The following EPS8 variants were observed in gnomAD, a reference collection of about 807,000 sequenced individuals.
EPS8 encodes EGFR pathway substrate 8, signaling adaptor.
Under a neutral mutation model 103.8 loss-of-function variants are expected in EPS8, and 42 were observed. The ratio of observed to expected loss-of-function variants is 0.40; its 90% CI spans 0.32 to 0.52. EPS8 has a LOEUF of 0.52. Ranked by LOEUF, EPS8 falls within the 20% of genes least tolerant of loss-of-function variation. The probability of loss-of-function intolerance (pLI) is 0.40; values close to 1 mark genes in which losing one functional copy is unlikely to be tolerated. For missense variants in EPS8, 969 were observed against 1,005.1 expected (o/e 0.96, Z 0.49); for synonymous variants, 344 against 344.6 (o/e 1.00, Z 0.02).
At chr12:15,755,411 C>A (rs765517004) in intron 1 of EPS8, among the ~76,000 whole-genome samples, 1 of 152,100 alleles carries the variant, frequency 6.6e-6, no homozygotes, top group Admixed American at 6.5e-5. Flanking sequence ...CCCTTTCCCA[C>A]CAAGATGAGC....
rs893879606 is a variant in EPS8 at position 15,764,166 on chromosome 12, T to C, written c.-22+24995A>G. Among the ~76,000 whole-genome samples, 2 of 152,142 alleles carry C rather than the reference T, an allele frequency of 1.3e-5. No homozygotes were observed. Among genetic ancestry groups the C allele is most frequent in the East Asian group, 1.9e-4 (1 of 5,194 alleles). ...ACATGGTAGCAGGCAAGAGAGCATA[T>C]GCAGGGGAACTCCCCTTTATAAAAC... On this transcript the variant is annotated intron_variant, in intron 1 of 20. Coordinates refer to ENST00000281172, the MANE Select transcript of EPS8 (RefSeq NM_004447.6). The surrounding 1 kb of genome is among the most constrained non-coding windows in gnomAD (Gnocchi z 4.1).
chr12:15,722,968 C>G (rs1376022640), intron 1 of EPS8, among the ~76,000 whole-genome samples: 1 of 150,674 alleles, frequency 6.6e-6, no homozygotes, highest in African/African-American at 2.4e-5. Context: ...TTTCTGCTAT[C>G]TCACACTCTC....
Position 15,749,141 on chromosome 12 carries a change from G to GA in EPS8, c.-22+40019dup, listed in dbSNP as rs1196086971. Among the ~76,000 whole-genome samples, 7 of 151,960 alleles carry GA rather than the reference G, an allele frequency of 4.6e-5. No individual in the cohort carries two copies. Among genetic ancestry groups the GA allele is most frequent in the African/African-American group, 1.7e-4 (7 of 41,348 alleles). On this transcript the variant is annotated intron_variant, in intron 1 of 20. Transcript: ENST00000281172. This position sits in a 1 kb window ranked among gnomAD's most constrained non-coding sequence, Gnocchi z 4.0. ...TTGTCATAAAATGTATTGATTACCT[G>GA]ACTATTTAAGATTATGCCTTAGGCT...
chr12:15,626,627 CAAA>C (rs771173535), intron 18 of EPS8, among the ~76,000 whole-genome samples: 5,759 of 61,190 alleles, frequency 0.094, 416 homozygotes, highest in African/African-American at 0.23. Flanking sequence ...GACTCCGTCT[CAAA>C]AAAAAAAAAA....
At chr12:15,665,706 T>C (rs757591603) in intron 8 of EPS8, 50 bp downstream of exon 8, 3 of 1,602,168 alleles carry the variant, frequency 1.9e-6, no homozygotes, top group African/African-American at 2.7e-5. Flanking sequence ...AAGAACTATG[T>C]CCCAACCCAA....
At chr12:15,650,701 A>G (rs1414856483) in intron 14 of EPS8, 122 bp downstream of exon 14, 2 of 822,660 alleles carry the variant, frequency 2.4e-6, no homozygotes, top group East Asian at 5.2e-5. Context: ...ACAGGGTAAC[A>G]TTCAGACTTT....
rs1044938567 is a variant in EPS8, at chr12:15,749,138, C to T, written c.-22+40023G>A. ...AATTTGTCATAAAATGTATTGATTACCTGACTATTTAAGATTATGCCTTAG... is the reference window on the plus strand; with the variant it reads ...AATTTGTCATAAAATGTATTGATTATCTGACTATTTAAGATTATGCCTTAG... On this transcript the variant is annotated intron_variant, in intron 1 of 20. Coordinates refer to ENST00000281172, the MANE Select transcript of EPS8 (RefSeq NM_004447.6). This position sits in a 1 kb window ranked among gnomAD's most constrained non-coding sequence, Gnocchi z 4.0. 6.6e-5 allele frequency among the ~76,000 whole-genome samples: 10 copies of T among 151,896 alleles called. No individual in the cohort carries two copies. The highest frequency in any genetic ancestry group is 2.4e-4 in the African/African-American group (10 of 41,334).
intron 1 of EPS8, among the ~76,000 whole-genome samples, chr12:15,766,320 A>C (rs1947095727): frequency 1.3e-5 from 2 of 150,564 alleles, no homozygotes; most frequent in Non-Finnish European, 2.9e-5. Context: ...TCTACTAAAA[A>C]ATACAAAAAA....
At chr12:15,641,940 C>A (rs776061659) in intron 15 of EPS8, 110 bp from the exon 16 acceptor site, 84 of 460,614 alleles carry the variant, frequency 1.8e-4, no homozygotes, top group Non-Finnish European at 2.8e-4. Flanking sequence ...TGAAAAATTA[C>A]AGCAGTTTCA....
rs1327386942 is a variant in EPS8, at chr12:15,777,278, AAC to A, written c.-22+11881_-22+11882del. Among the ~76,000 whole-genome samples, 191 of 151,676 alleles carry A rather than the reference AAC, an allele frequency of 1.3e-3. No homozygotes were observed. Among genetic ancestry groups the A allele is most frequent in the African/African-American group, 4.4e-3 (183 of 41,400 alleles). On this transcript the variant is annotated intron_variant, in intron 1 of 20. Transcript: ENST00000281172. The surrounding 1 kb of genome is among the most constrained non-coding windows in gnomAD (Gnocchi z 4.7). ...GTACTTACAAAGCAGAATGAAAAAAAACACACACACACACACAAAACAAAACA... is the reference window on the plus strand; with the variant it reads ...GTACTTACAAAGCAGAATGAAAAAAAACACACACACACACAAAACAAAACA...
In EPS8 at chr12:15,776,276, G is replaced by A. The variant is rs1947205851; in HGVS notation, c.-22+12885C>T. Reference sequence around the variant, plus strand: ...AAGCTTTTAAATGTAATTTTGGGGGGAAATAATACACTTCTGGCTGAACTA... The same window carrying A: ...AAGCTTTTAAATGTAATTTTGGGGGAAAATAATACACTTCTGGCTGAACTA... On this transcript the variant is annotated intron_variant, in intron 1 of 20. Transcript: ENST00000281172. The surrounding 1 kb of genome is among the most constrained non-coding windows in gnomAD (Gnocchi z 4.2). Among the ~76,000 whole-genome samples, 1 of 152,142 alleles carries A rather than the reference G, an allele frequency of 6.6e-6. No individual in the cohort carries two copies. The highest frequency in any genetic ancestry group is 2.4e-5 in the African/African-American group (1 of 41,422).
In EPS8 at chr12:15,760,054, A is replaced by T. The variant is rs1468187634; in HGVS notation, c.-22+29107T>A. 6.6e-6 allele frequency among the ~76,000 whole-genome samples: 1 copy of T among 151,960 alleles called. No individual in the cohort carries two copies. The highest frequency in any genetic ancestry group is 1.5e-5 in the Non-Finnish European group (1 of 67,912). On this transcript the variant is annotated intron_variant, in intron 1 of 20. Coordinates refer to ENST00000281172, the MANE Select transcript of EPS8 (RefSeq NM_004447.6). This position sits in a 1 kb window ranked among gnomAD's most constrained non-coding sequence, Gnocchi z 4.5. ...GTTTTCTAAATAAACAAAATTGATG[A>T]ACCTTTAGCCATACTAAGAAAGAAA...
chr12:15,770,239 T>C (rs1947139327), intron 1 of EPS8, among the ~76,000 whole-genome samples: 1 of 130,700 alleles, frequency 7.7e-6, no homozygotes, highest in South Asian at 2.3e-4. Context: ...CAGTGAGCTA[T>C]GATCACACCA....
chr12:15,680,632 A>G (rs568071661), intron 3 of EPS8, among the ~76,000 whole-genome samples: 2 of 151,028 alleles, frequency 1.3e-5, no homozygotes, highest in South Asian at 2.1e-4. Flanking sequence ...CAGACCCTAT[A>G]CAAATAAATG....
In EPS8 at chr12:15,662,053, C is replaced by CTGAG; in HGVS notation, c.782_783insCTCA (p.Met261IlefsTer8). The CTGAG allele has an allele frequency of 2.0e-5, 33 of 1,613,970 alleles. No homozygotes were observed. Among genetic ancestry groups the CTGAG allele is most frequent in the Non-Finnish European group, 2.8e-5 (33 of 1,179,818 alleles). Reference sequence around the variant, plus strand: ...CATCTCTGTCAATGCGGGCTGCCATCATCTCAGGTGTTTCTTCCTGCTCAT... The same window carrying CTGAG: ...CATCTCTGTCAATGCGGGCTGCCATCTGAGATCTCAGGTGTTTCTTCCTGCTCAT... On this transcript the variant is annotated frameshift_variant, in exon 9 of 21. Coordinates refer to ENST00000281172, the MANE Select transcript of EPS8 (RefSeq NM_004447.6). LOFTEE classifies it high-confidence loss of function.
chr12:15,738,767 C>G lies in EPS8; in HGVS notation c.-22+50394G>C, dbSNP rs1946791120. ...GGTTTTTTTTTTGTAATACCAGCAG[C>G]TACAAAGTCCTGGCAATAGCAGGTG... On this transcript the variant is annotated intron_variant, in intron 1 of 20. Transcript: ENST00000281172. The surrounding 1 kb of genome is among the most constrained non-coding windows in gnomAD (Gnocchi z 6.2). Among the ~76,000 whole-genome samples, 1 of 151,992 alleles carries G rather than the reference C, an allele frequency of 6.6e-6. No individual in the cohort carries two copies. The highest frequency in any genetic ancestry group is 1.5e-5 in the Non-Finnish European group (1 of 67,992).
Position 15,696,976 on chromosome 12 carries a change from G to C in EPS8, c.-21-14004C>G, listed in dbSNP as rs1946251848. On this transcript the variant is annotated intron_variant, in intron 1 of 20. Transcript: ENST00000281172. The surrounding 1 kb of genome is among the most constrained non-coding windows in gnomAD (Gnocchi z 4.8). ...GGGAATTTCAGATAGATTTGTTTGG[G>C]TAAGTAAGCTATTTTAGGTCAGAAA... 6.6e-6 allele frequency among the ~76,000 whole-genome samples: 1 copy of C among 152,150 alleles called. No individual in the cohort carries two copies. Among genetic ancestry groups the C allele is most frequent in the Admixed American group, 6.6e-5 (1 of 15,266 alleles).
At chr12:15,750,125 G>T (rs1306188570) in intron 1 of EPS8, among the ~76,000 whole-genome samples, 1 of 152,132 alleles carries the variant, frequency 6.6e-6, no homozygotes. Context: ...ACCCTGTAGA[G>T]GATACACCTG....
intron 16 of EPS8, among the ~76,000 whole-genome samples, 194 bp downstream of exon 16, chr12:15,641,528 C>G (rs1945229567): frequency 6.6e-6 from 1 of 151,430 alleles, no homozygotes; most frequent in Non-Finnish European, 1.5e-5. Flanking sequence ...CCACAAAAAA[C>G]AAATAAAGGA....
Sources: allele counts gnomAD v4.1 joint callset (sites outside exome capture counted in the v4.1 genomes callset), GRCh38; gene constraint gnomAD v4.1.1; non-coding constraint Gnocchi (gnomAD v3.1); transcripts MANE v1.5; gene names NCBI Gene and HGNC (gene_info 2026-07-23, HGNC 2026-07-21).